VPS13A: variants seen among roughly 807,000 people sequenced by gnomAD.
VPS13A encodes the protein vacuolar protein sorting 13 homolog A.
A neutral mutation model predicts 390.9 loss-of-function variants in VPS13A; 264 were observed. The observed-to-expected ratio is 0.68, with a 90% confidence interval of 0.61 to 0.75. VPS13A has a LOEUF of 0.75. Ranked by LOEUF, VPS13A falls within the 30% of genes least tolerant of loss-of-function variation. VPS13A has a pLI of 0.00. For missense variants in VPS13A, 3,409 were observed against 3,733.9 expected (o/e 0.91, Z 2.27); for synonymous variants, 1,231 against 1,227.1 (o/e 1.00, Z -0.07).
intron 41 of VPS13A, 78 bp downstream of exon 41, chr9:77,318,669 A>G: frequency 4.7e-6 from 6 of 1,277,804 alleles, no homozygotes; most frequent in East Asian, 2.3e-5. Flanking sequence ...CATATGGAAT[A>G]TTATGGAATC....
rs972251207 is a variant in VPS13A, at chr9:77,373,420, ACTAG to A, written c.9077+2277_9077+2280del. On this transcript the variant is annotated intron_variant, in intron 67 of 71. Coordinates refer to ENST00000360280, the MANE Select transcript of VPS13A (RefSeq NM_033305.3). ...CTATTTAATAAATGGTGCTGGGAAA[ACTAG>A]CTAGCCATATGTAGAAAGCTGAAAC... 1.9e-3 allele frequency among the ~76,000 whole-genome samples: 244 copies of A among 129,862 alleles called. 4 individuals are homozygous for A. Among genetic ancestry groups the A allele is most frequent in the African/African-American group, 6.3e-3 (231 of 36,664 alleles). The allele number at this position is 129,862 out of a possible 152,430, so 85.2% of individuals were successfully genotyped here.
At chr9:77,343,117 C>T (rs1324016246) in intron 50 of VPS13A, among the ~76,000 whole-genome samples, 1 of 152,098 alleles carries the variant, frequency 6.6e-6, no homozygotes, top group Non-Finnish European at 1.5e-5. Flanking sequence ...AGAGGTCCTG[C>T]AGGAGCTCTC....
intron 20 of VPS13A, among the ~76,000 whole-genome samples, chr9:77,249,267 G>A (rs1587416698): frequency 2.0e-5 from 3 of 152,104 alleles, no homozygotes; most frequent in South Asian, 2.1e-4. Flanking sequence ...TTGTGTAAAC[G>A]CCCACTGGGT....
At chr9:77,401,611 G>A (rs1563993012) in intron 68 of VPS13A, among the ~76,000 whole-genome samples, 1 of 151,988 alleles carries the variant, frequency 6.6e-6, no homozygotes, top group Non-Finnish European at 1.5e-5. Context: ...TGGGTTTTGT[G>A]TGCTTGGATT....
chr9:77,190,907 C>T (rs746835573), intron 1 of VPS13A, among the ~76,000 whole-genome samples: 2 of 151,928 alleles, frequency 1.3e-5, no homozygotes, highest in African/African-American at 2.4e-5. Context: ...TTCTCTGGGT[C>T]GGTGGTAATG....
chr9:77,362,284 A>G (rs1464061226), intron 59 of VPS13A, among the ~76,000 whole-genome samples: 1 of 152,176 alleles, frequency 6.6e-6, no homozygotes, highest in Non-Finnish European at 1.5e-5. Flanking sequence ...TCTAGCTCTT[A>G]TGATTAGGTC....
At chr9:77,373,805 C>A (rs993780091) in intron 67 of VPS13A, among the ~76,000 whole-genome samples, 1 of 151,682 alleles carries the variant, frequency 6.6e-6, no homozygotes, top group Non-Finnish European at 1.5e-5. Flanking sequence ...AAACAAACAA[C>A]CCCATCAAAA....
intron 31 of VPS13A, among the ~76,000 whole-genome samples, chr9:77,286,628 C>T (rs1057291530): frequency 3.9e-5 from 6 of 152,084 alleles, no homozygotes; most frequent in African/African-American, 9.7e-5. Context: ...GACTTTCTTT[C>T]GCTTCTAAGA....
chr9:77,264,237 C>A (rs1269387336), intron 23 of VPS13A, among the ~76,000 whole-genome samples: 1 of 152,154 alleles, frequency 6.6e-6, no homozygotes, highest in Non-Finnish European at 1.5e-5. Flanking sequence ...GTGATGCCTC[C>A]AGCTTTGTTC....
At chr9:77,308,452 C>T (rs760195983) in intron 35 of VPS13A, among the ~76,000 whole-genome samples, 10 of 152,118 alleles carry the variant, frequency 6.6e-5, no homozygotes, top group Non-Finnish European at 1.5e-4. Context: ...CCCTTTCCCC[C>T]ATCTTCTCCC....
intron 23 of VPS13A, among the ~76,000 whole-genome samples, chr9:77,262,868 A>G (rs1031323283): frequency 2.0e-5 from 3 of 152,164 alleles, no homozygotes; most frequent in Admixed American, 6.5e-5. Context: ...AGTCTTTGCT[A>G]TTGTGAACAG....
At chr9:77,293,631 G>A (rs1827802812) in intron 32 of VPS13A, 123 bp downstream of exon 32, 2 of 503,952 alleles carry the variant, frequency 4.0e-6, no homozygotes, top group Non-Finnish European at 6.3e-6. Context: ...AAATCTTCTG[G>A]GTACCATTTA....
At chr9:77,269,087 A>G (rs1826209062) in intron 23 of VPS13A, among the ~76,000 whole-genome samples, 1 of 152,154 alleles carries the variant, frequency 6.6e-6, no homozygotes, top group Non-Finnish European at 1.5e-5. Context: ...GATACAATTG[A>G]CTTTAGCAAT....
At chr9:77,263,108 T>C (rs1445845650) in intron 23 of VPS13A, among the ~76,000 whole-genome samples, 1 of 87,358 alleles carries the variant, frequency 1.1e-5, no homozygotes, top group East Asian at 5.5e-4. Flanking sequence ...GTTTCCCAAC[T>C]TTTTTTTTTT....
chr9:77,392,741 A>ATAAC (rs1306692938), intron 68 of VPS13A, among the ~76,000 whole-genome samples: 1 of 149,310 alleles, frequency 6.7e-6, no homozygotes, highest in African/African-American at 2.5e-5. Context: ...AAAACTATAT[A>ATAAC]TAACTATATA....
intron 20 of VPS13A, among the ~76,000 whole-genome samples, chr9:77,249,352 G>A (rs1825018439): frequency 6.6e-6 from 1 of 152,076 alleles, no homozygotes; most frequent in Non-Finnish European, 1.5e-5. Flanking sequence ...GGGCAGTGTG[G>A]TATAATAGAG....
At chr9:77,341,742 C>G (rs1164220926) in intron 50 of VPS13A, among the ~76,000 whole-genome samples, 2 of 70,434 alleles carry the variant, frequency 2.8e-5, no homozygotes, top group Non-Finnish European at 5.2e-5. Flanking sequence ...GTCTGAACTA[C>G]TATTTAAGTC....
chr9:77,194,852 C>A (rs749454528), intron 1 of VPS13A, among the ~76,000 whole-genome samples: 2 of 151,972 alleles, frequency 1.3e-5, no homozygotes, highest in Non-Finnish European at 2.9e-5. Flanking sequence ...TTCTTGATGG[C>A]CTGGTCTCTT....
At position 77,416,392 on chromosome 9, in the gene VPS13A, C is replaced by T. The variant is rs1835171174; in HGVS notation, c.*386C>T. 9.6e-6 allele frequency: 2 copies of T among 209,210 alleles called. No individual in the cohort carries two copies. Among genetic ancestry groups the T allele is most frequent in the South Asian group, 1.4e-4 (2 of 14,262 alleles). The allele number at this position is 209,210 out of a possible 1,614,324, so 13.0% of individuals were successfully genotyped here. A position where few individuals can be genotyped will look rare whatever the true frequency, so the allele number is the denominator to read the frequency against. Reference sequence around the variant, plus strand: ...AGCCAAGTTTAATGTTTCTAGTTCACATTTTGTACTTCTGTCATGCTTATT... The same window carrying T: ...AGCCAAGTTTAATGTTTCTAGTTCATATTTTGTACTTCTGTCATGCTTATT... On this transcript the variant is annotated 3_prime_UTR_variant, in exon 72 of 72. Coordinates refer to ENST00000360280, the MANE Select transcript of VPS13A (RefSeq NM_033305.3).
Sources: allele counts gnomAD v4.1 joint callset (sites outside exome capture counted in the v4.1 genomes callset), GRCh38; gene constraint gnomAD v4.1.1; transcripts MANE v1.5; gene names NCBI Gene and HGNC (gene_info 2026-07-23, HGNC 2026-07-21).